Variants in RPIA observed in about 807,000 individuals in gnomAD.
The protein encoded by RPIA is ribose 5-phosphate isomerase A, also known as ribose-5-phosphate isomerase.
A neutral mutation model predicts 37.8 loss-of-function variants in RPIA; 29 were observed. That is an observed-to-expected ratio of 0.77 (90% confidence interval 0.57 to 1.05). RPIA has a LOEUF of 1.05. Among genes scored for constraint, RPIA ranks in the 50% least tolerant of loss-of-function variants. RPIA has a pLI of 0.00. For missense variants in RPIA, 385 were observed against 413.6 expected (o/e 0.93, Z 0.60); for synonymous variants, 167 against 157.0 (o/e 1.06, Z -0.48).
At chr2:88,692,825 C>A (rs922694218) in intron 1 of RPIA, among the ~76,000 whole-genome samples, 6 of 152,076 alleles carry the variant, frequency 3.9e-5, no homozygotes, top group African/African-American at 1.4e-4. Context: ...GATAATAGTT[C>A]TTTACATTTG....
intron 2 of RPIA, among the ~76,000 whole-genome samples, chr2:88,699,331 C>T (rs1417804748): frequency 5.3e-5 from 8 of 151,962 alleles, no homozygotes; most frequent in Admixed American, 3.3e-4. Context: ...ATAGTGGCAC[C>T]CAAACCTCCC....
At position 88,732,728 on chromosome 2, in the gene RPIA, TAAAAAAAAAAAAAAAAA is replaced by T. The variant is rs75685116; in HGVS notation, c.463-1803_463-1787del. On this transcript the variant is annotated intron_variant, in intron 4 of 8. Coordinates refer to ENST00000283646, the MANE Select transcript of RPIA (RefSeq NM_144563.3). ...ATGTACCCTAAAACTTAGAGTATAA[TAAAAAAAAAAAAAAAAA>T]AAAAAAAAAAAAAAAAAAAAGAAAA... 2.5e-3 allele frequency among the ~76,000 whole-genome samples: 5 copies of T among 2,008 alleles called. 1 individual carries two copies. Among genetic ancestry groups the T allele is most frequent in the African/African-American group, 0.01 (2 of 198 alleles). The allele number at this position is 2,008 out of a possible 152,430, so 1.3% of individuals were successfully genotyped here.
chr2:88,713,118 A>ATT (rs1180342481), intron 3 of RPIA, among the ~76,000 whole-genome samples: 152 of 45,268 alleles, frequency 3.4e-3, no homozygotes, highest in African/African-American at 0.015. Context: ...ATATATATAT[A>ATT]TATTTTTTTT....
intron 3 of RPIA, among the ~76,000 whole-genome samples, chr2:88,713,396 C>G (rs1672988417): frequency 6.6e-6 from 1 of 151,940 alleles, no homozygotes; most frequent in African/African-American, 2.4e-5. Context: ...TAAATACTTT[C>G]TCAGGAATTT....
rs183877546 is a variant in RPIA at position 88,693,491 on chromosome 2, A to G, written c.285+1508A>G. On this transcript the variant is annotated intron_variant, in intron 1 of 8. Transcript: ENST00000283646. ...AGTTTTTCCTTAGCATCCTAAGGAG[A>G]GGAAGATTTCTCTTCCGTGATTCTG... Among the ~76,000 whole-genome samples, 14 of 152,288 alleles carry G rather than the reference A, an allele frequency of 9.2e-5. No individual in the cohort carries two copies. The East Asian group carries it at 2.7e-3, about 29-fold the overall frequency.
intron 3 of RPIA, among the ~76,000 whole-genome samples, chr2:88,714,523 C>T (rs1259776967): frequency 6.6e-6 from 1 of 152,140 alleles, no homozygotes; most frequent in African/African-American, 2.4e-5. Flanking sequence ...AGCCAGCTCT[C>T]AAGATGAGGA....
At chr2:88,724,079 C>A (rs920890536) in intron 3 of RPIA, among the ~76,000 whole-genome samples, 2 of 152,128 alleles carry the variant, frequency 1.3e-5, no homozygotes, top group Non-Finnish European at 2.9e-5. Flanking sequence ...AAGCAGTTCC[C>A]ACCTTGATTG....
chr2:88,745,294 T>A (rs1422740533), intron 8 of RPIA, among the ~76,000 whole-genome samples: 4 of 152,224 alleles, frequency 2.6e-5, no homozygotes, highest in Non-Finnish European at 5.9e-5. Context: ...TATTGAGATA[T>A]GAGGTATTAT....
At chr2:88,693,064 T>A (rs1330692881) in intron 1 of RPIA, among the ~76,000 whole-genome samples, 1 of 152,180 alleles carries the variant, frequency 6.6e-6, no homozygotes, top group Non-Finnish European at 1.5e-5. Flanking sequence ...TAATGTAAAA[T>A]GTGTTAATTT....
At chr2:88,723,495 T>C (rs1286245440) in intron 3 of RPIA, among the ~76,000 whole-genome samples, 1 of 152,122 alleles carries the variant, frequency 6.6e-6, no homozygotes, top group Non-Finnish European at 1.5e-5. Flanking sequence ...AAATAAACTT[T>C]AGATTTTGAC....
intron 8 of RPIA, among the ~76,000 whole-genome samples, chr2:88,741,272 C>T (rs1222828994): frequency 6.6e-6 from 1 of 152,138 alleles, no homozygotes; most frequent in Non-Finnish European, 1.5e-5. Context: ...TTTGCGTCCT[C>T]ATAGCTTAGC....
chr2:88,695,890 T>C (rs1030657936), intron 1 of RPIA, among the ~76,000 whole-genome samples: 3 of 152,202 alleles, frequency 2.0e-5, no homozygotes, highest in Non-Finnish European at 2.9e-5. Context: ...GTAGCATTTT[T>C]AGTATATATG....
Position 88,729,344 on chromosome 2 carries a change from T to C in RPIA, c.462+7T>C, listed in dbSNP as rs1673237297. ...TCTGGATCGACACCCAGAGGTAAGATTGCCACTCAGAGGCAGACCACTGCG... is the reference window on the plus strand; with the variant it reads ...TCTGGATCGACACCCAGAGGTAAGACTGCCACTCAGAGGCAGACCACTGCG... On this transcript the variant is annotated splice_region_variant and intron_variant, in intron 4 of 8. Coordinates refer to ENST00000283646, the MANE Select transcript of RPIA (RefSeq NM_144563.3). 1 of 1,613,984 alleles carries C rather than the reference T, an allele frequency of 6.2e-7. No individual in the cohort carries two copies. Among genetic ancestry groups the C allele is most frequent in the Non-Finnish European group, 8.5e-7 (1 of 1,179,828 alleles).
chr2:88,747,252 C>T (rs1313300304), intron 8 of RPIA, among the ~76,000 whole-genome samples: 3 of 152,078 alleles, frequency 2.0e-5, no homozygotes, highest in Non-Finnish European at 2.9e-5. Flanking sequence ...AGTGACAGAC[C>T]CCCACCCAGC....
chr2:88,698,590 G>C, intron 2 of RPIA, 46 bp downstream of exon 2: 1 of 1,554,526 alleles, frequency 6.4e-7, no homozygotes, highest in Non-Finnish European at 8.9e-7. Context: ...GTGATGATGG[G>C]GTAGGGAGGT....
At chr2:88,735,828 C>A in intron 6 of RPIA, 91 bp downstream of exon 6, 1 of 1,218,914 alleles carries the variant, frequency 8.2e-7, no homozygotes, top group Non-Finnish European at 1.2e-6. Flanking sequence ...AAATGGAGAG[C>A]TGCAGGGACT....
At chr2:88,740,707 G>A (rs1573478773) in intron 8 of RPIA, among the ~76,000 whole-genome samples, 1 of 152,152 alleles carries the variant, frequency 6.6e-6, no homozygotes, top group Non-Finnish European at 1.5e-5. Context: ...GGGAGTTGGG[G>A]GAGGTCAGTC....
At chr2:88,721,569 ACACCC>A (rs1225825641) in intron 3 of RPIA, among the ~76,000 whole-genome samples, 2,337 of 91,152 alleles carry the variant, frequency 0.026, 106 homozygotes, top group African/African-American at 0.087. Flanking sequence ...ACACACACAC[ACACCC>A]CCCCCCCCAC....
rs562140734 is a variant in RPIA, at chr2:88,699,596, T to C, written c.347-413T>C. ...TGTGGCTACATGGCCTGGGATCATG[T>C]CCCAGCTGTGTCCCTTATTAGCAGT... On this transcript the variant is annotated intron_variant, in intron 2 of 8. Coordinates refer to ENST00000283646, the MANE Select transcript of RPIA (RefSeq NM_144563.3). Among the ~76,000 whole-genome samples, 8 of 152,318 alleles carry C rather than the reference T, an allele frequency of 5.3e-5. No individual in the cohort carries two copies. The South Asian group carries it at 1.7e-3, about 32-fold the overall frequency.
Sources: gnomAD v4.1 joint callset for allele counts (sites outside exome capture counted in the v4.1 genomes callset) on GRCh38, gnomAD v4.1.1 for gene constraint, MANE v1.5 for transcripts, NCBI Gene and HGNC (gene_info 2026-07-23, HGNC 2026-07-21) for gene names.